The following RNF8 variants were observed in gnomAD, a reference collection of about 807,000 sequenced individuals.
RNF8 encodes E3 ubiquitin-protein ligase RNF8.
RNF8 carries 8 observed loss-of-function variants against 59.3 expected under a neutral mutation model. The ratio of observed to expected loss-of-function variants is 0.13; its 90% CI spans 0.08 to 0.24. RNF8 has a LOEUF of 0.24. Ranked by LOEUF, RNF8 falls within the 10% of genes least tolerant of loss-of-function variation. The pLI, the probability that RNF8 is intolerant of heterozygous loss-of-function variation, is 1.00. For synonymous variants in RNF8, 162 were observed against 200.0 expected, an observed-to-expected ratio of 0.81 and a Z score of 1.60; for missense variants, 406 against 572.6, an observed-to-expected ratio of 0.71 and a Z score of 2.97.
intron 2 of RNF8, among the ~76,000 whole-genome samples, chr6:37,364,358 T>C (rs1214804550): frequency 6.6e-6 from 1 of 152,134 alleles, no homozygotes; most frequent in Non-Finnish European, 1.5e-5. Context: ...CAGGGGTTTC[T>C]GGGATGCTGA....
At chr6:37,361,532 G>A (rs1188717398) in intron 2 of RNF8, 1 of 350,590 alleles carries the variant, frequency 2.9e-6, no homozygotes, top group African/African-American at 2.2e-5. Context: ...AAGCACCGAG[G>A]AATGTGATGA....
intron 7 of RNF8, among the ~76,000 whole-genome samples, chr6:37,385,660 C>T (rs1201970431): frequency 6.6e-6 from 1 of 151,942 alleles, no homozygotes; most frequent in Non-Finnish European, 1.5e-5. Flanking sequence ...AAAAAGTATG[C>T]TTTGCAAAAT....
intron 6 of RNF8, 69 bp from the exon 7 acceptor site, chr6:37,381,081 T>G (rs1562096151): frequency 2.9e-6 from 4 of 1,369,120 alleles, no homozygotes; most frequent in South Asian, 1.2e-5. Context: ...GTCCTAACTT[T>G]GAGATCACAA....
chr6:37,385,945 T>C (rs1248326814), intron 7 of RNF8, among the ~76,000 whole-genome samples: 1 of 151,482 alleles, frequency 6.6e-6, no homozygotes, highest in African/African-American at 2.4e-5. Flanking sequence ...GGTAATCCTC[T>C]TACCTCAGCC....
At chr6:37,357,853 TAACTG>T (rs747873938) in intron 1 of RNF8, among the ~76,000 whole-genome samples, 1 of 152,226 alleles carries the variant, frequency 6.6e-6, no homozygotes, top group African/African-American at 2.4e-5. Context: ...CTCAAATACT[TAACTG>T]AACACTATGC....
At chr6:37,371,310 A>G (rs1411466680) in intron 3 of RNF8, among the ~76,000 whole-genome samples, 2 of 152,164 alleles carry the variant, frequency 1.3e-5, no homozygotes, top group Non-Finnish European at 2.9e-5. Flanking sequence ...ACAGTCCTGA[A>G]GTGTGCAGTA....
intron 3 of RNF8, among the ~76,000 whole-genome samples, chr6:37,371,243 G>A (rs555467179): frequency 2.0e-5 from 3 of 152,284 alleles, no homozygotes; most frequent in African/African-American, 7.2e-5. Flanking sequence ...CATGAAGGAG[G>A]CTTGGACTGT....
At chr6:37,380,078 A>T (rs1310742129) in intron 6 of RNF8, among the ~76,000 whole-genome samples, 1 of 147,646 alleles carries the variant, frequency 6.8e-6, no homozygotes, top group Non-Finnish European at 1.5e-5. Flanking sequence ...ATGCCTGGCT[A>T]TTTTTTTTTT....
At chr6:37,358,148 C>T (rs549137340) in intron 1 of RNF8, among the ~76,000 whole-genome samples, 1 of 152,144 alleles carries the variant, frequency 6.6e-6, no homozygotes, top group East Asian at 1.9e-4. Context: ...GTGAAAAGAC[C>T]CTCAGGTAGG....
chr6:37,361,403 G>A (rs776933880), intron 2 of RNF8: 1 of 455,750 alleles, frequency 2.2e-6, no homozygotes, highest in South Asian at 1.6e-5. Flanking sequence ...GGTCAAAACT[G>A]CTGTGCTCAT....
At chr6:37,372,015 A>G (rs1769828678) in intron 4 of RNF8, among the ~76,000 whole-genome samples, 1 of 152,218 alleles carries the variant, frequency 6.6e-6, no homozygotes, top group Non-Finnish European at 1.5e-5. Flanking sequence ...CCAGGTTGAG[A>G]ATGTGCAGTT....
chr6:37,377,060 T>TA, intron 6 of RNF8, 27 bp downstream of exon 6: 12 of 623,614 alleles, frequency 1.9e-5, no homozygotes, highest in Non-Finnish European at 2.5e-5. Flanking sequence ...GCTCACCCCT[T>TA]CTTTTTTTTT....
Position 37,369,171 on chromosome 6 carries a change from G to C in RNF8, c.928G>C (p.Val310Leu), listed in dbSNP as rs201104499. The change falls in exon 3 of 8, where the codon GTG (valine) becomes CTG (leucine). Residue 310 changes from valine (V) to leucine (L), a missense_variant. Coordinates refer to ENST00000373479, the MANE Select transcript of RNF8 (RefSeq NM_003958.4). ...AGAGCAGGCTCAGCAGCAGGCAAGA[G>C]TGGAGCAACTAGAGAAGACTTTCCA... ...CAEQAQQQAR[V>L]EQLEKTFQEE... 2.7e-4 allele frequency: 430 copies of C among 1,613,798 alleles called. 3 individuals are homozygous for C. In the South Asian group the frequency reaches 4.3e-3, roughly 16 times the overall value.
chr6:37,381,212 G>C lies in RNF8; in HGVS notation c.1299G>C (p.Arg433=), dbSNP rs1422378905. The change falls in exon 7 of 8, where the codon CGG becomes CGC. Residue 433 remains arginine (R), a synonymous_variant. Coordinates refer to ENST00000373479, the MANE Select transcript of RNF8 (RefSeq NM_003958.4). The part of the protein sequence containing the change: ...CSYCINEWMK[R]KIECPICRKD... The stretch of plus-strand genomic sequence containing the variant: ...ACTGTATCAATGAATGGATGAAGCG[G>C]AAGATAGAATGCCCCATTTGTCGGA... 1 of 1,614,210 alleles carries C rather than the reference G, an allele frequency of 6.2e-7. No individual in the cohort carries two copies. Among genetic ancestry groups the C allele is most frequent in the Admixed American group, 1.7e-5 (1 of 60,024 alleles).
chr6:37,364,510 A>G (rs1341353811), intron 2 of RNF8, among the ~76,000 whole-genome samples: 1 of 152,248 alleles, frequency 6.6e-6, no homozygotes, highest in Non-Finnish European at 1.5e-5. Context: ...TTTAAAAAAT[A>G]TATTGACGGA....
intron 2 of RNF8, among the ~76,000 whole-genome samples, chr6:37,362,416 A>G (rs1462128217): frequency 6.6e-6 from 1 of 152,220 alleles, no homozygotes; most frequent in Admixed American, 6.5e-5. Flanking sequence ...CTGTTATCAT[A>G]TGATTCTTCT....
chr6:37,390,331 G>C (rs1402395088), intron 7 of RNF8, among the ~76,000 whole-genome samples: 1 of 152,200 alleles, frequency 6.6e-6, no homozygotes, highest in Non-Finnish European at 1.5e-5. Context: ...ATCAAGGAAG[G>C]CACCTCTGAG....
intron 3 of RNF8, among the ~76,000 whole-genome samples, chr6:37,369,582 A>G (rs982269570): frequency 6.6e-6 from 1 of 152,216 alleles, no homozygotes; most frequent in Admixed American, 6.5e-5. Context: ...GTATAGTCCA[A>G]TTGAATCAAT....
intron 3 of RNF8, 29 bp from the exon 4 acceptor site, chr6:37,371,483 A>G (rs1275144595): frequency 7.5e-6 from 12 of 1,605,624 alleles, no homozygotes; most frequent in Non-Finnish European, 1.0e-5. Context: ...CCCTGCAGAG[A>G]AACCTTCCAT....
Sources: gnomAD v4.1 joint callset for allele counts (sites outside exome capture counted in the v4.1 genomes callset) on GRCh38, gnomAD v4.1.1 for gene constraint, MANE v1.5 for transcripts, NCBI Gene and HGNC (gene_info 2026-07-23, HGNC 2026-07-21) for gene names.